Variants in MAP3K7 observed in about 807,000 individuals in gnomAD.
The protein encoded by MAP3K7 is TGF-beta activated kinase 1.
Under a neutral mutation model 84.8 loss-of-function variants are expected in MAP3K7, and 21 were observed. The ratio of observed to expected loss-of-function variants is 0.25; its 90% CI spans 0.18 to 0.36. The LOEUF (loss-of-function observed/expected upper bound fraction) is 0.36, where lower values mean the gene tolerates loss of function less well. MAP3K7 is among the 10% of genes least tolerant of loss of function. The pLI, the probability that MAP3K7 is intolerant of heterozygous loss-of-function variation, is 1.00. For missense variants in MAP3K7, 503 were observed against 747.7 expected (o/e 0.67, Z 3.82); for synonymous variants, 241 against 247.7 (o/e 0.97, Z 0.25).
At chr6:90,537,892 C>T (rs1775729555) in intron 12 of MAP3K7, among the ~76,000 whole-genome samples, 1 of 151,954 alleles carries the variant, frequency 6.6e-6, no homozygotes, top group Non-Finnish European at 1.5e-5. Flanking sequence ...CTGGAATTCT[C>T]TTTTCAGATT....
At chr6:90,532,359 A>C (rs1436834602) in intron 13 of MAP3K7, among the ~76,000 whole-genome samples, 1 of 152,218 alleles carries the variant, frequency 6.6e-6, no homozygotes, top group African/African-American at 2.4e-5. Flanking sequence ...AGAGGCTGGC[A>C]TACAACATGG....
chr6:90,554,197 G>A (rs939709953), intron 6 of MAP3K7, among the ~76,000 whole-genome samples: 1 of 152,176 alleles, frequency 6.6e-6, no homozygotes, highest in Non-Finnish European at 1.5e-5. Context: ...ATGAGCCATT[G>A]TGCCTGGCCT....
At chr6:90,517,100 C>T (rs1159704777) in intron 16 of MAP3K7, among the ~76,000 whole-genome samples, 1 of 151,796 alleles carries the variant, frequency 6.6e-6, no homozygotes, top group Non-Finnish European at 1.5e-5. Flanking sequence ...TTAACTATAG[C>T]AGAGAGTGGT....
intron 12 of MAP3K7, among the ~76,000 whole-genome samples, chr6:90,537,620 C>T (rs545035261): frequency 4.0e-5 from 6 of 151,868 alleles, no homozygotes; most frequent in Non-Finnish European, 8.8e-5. Context: ...TTTTATAATT[C>T]TTTGCATTAT....
At chr6:90,573,981 G>A (rs1776988481) in intron 1 of MAP3K7, among the ~76,000 whole-genome samples, 2 of 152,256 alleles carry the variant, frequency 1.3e-5, no homozygotes, top group Non-Finnish European at 2.9e-5. Context: ...GTGAATAGAG[G>A]GTACTGGCTA....
At chr6:90,569,538 T>G (rs557499083) in intron 2 of MAP3K7, among the ~76,000 whole-genome samples, 2 of 152,280 alleles carry the variant, frequency 1.3e-5, no homozygotes, top group East Asian at 1.9e-4. Context: ...TGCAGTGCAG[T>G]GGTACAATCT....
intron 12 of MAP3K7, among the ~76,000 whole-genome samples, chr6:90,540,323 G>A (rs1775814991): frequency 6.6e-6 from 1 of 151,806 alleles, no homozygotes; most frequent in Admixed American, 6.6e-5. Flanking sequence ...TTCTCAAATT[G>A]AAGCACTTCA....
At chr6:90,561,703 AG>A in intron 3 of MAP3K7, 36 bp from the exon 4 acceptor site, 1 of 1,486,448 alleles carries the variant, frequency 6.7e-7, no homozygotes, top group Non-Finnish European at 9.4e-7. Context: ...TTAACCAAGA[AG>A]CTCCATCATC....
chr6:90,562,161 C>T (rs1389040287), intron 3 of MAP3K7, among the ~76,000 whole-genome samples: 10 of 152,180 alleles, frequency 6.6e-5, no homozygotes, highest in Admixed American at 1.3e-4. Context: ...CCAGCGTAAG[C>T]GACGCAGAAG....
At chr6:90,521,469 A>C (rs1434603038) in intron 14 of MAP3K7, among the ~76,000 whole-genome samples, 1 of 152,108 alleles carries the variant, frequency 6.6e-6, no homozygotes, top group Admixed American at 6.6e-5. Flanking sequence ...TTATGGCTAA[A>C]GAAAAGTCTC....
At chr6:90,557,331 C>T (rs1281551024) in intron 5 of MAP3K7, among the ~76,000 whole-genome samples, 2 of 152,124 alleles carry the variant, frequency 1.3e-5, no homozygotes, top group Non-Finnish European at 2.9e-5. Flanking sequence ...ATATAATTTG[C>T]ACCATCACAT....
intron 13 of MAP3K7, among the ~76,000 whole-genome samples, chr6:90,524,394 C>A (rs1775254198): frequency 6.6e-6 from 1 of 152,076 alleles, no homozygotes; most frequent in South Asian, 2.1e-4. Flanking sequence ...ACAACAAATC[C>A]CCAGCATAAG....
chr6:90,560,862 A>G (rs773332678), intron 4 of MAP3K7, among the ~76,000 whole-genome samples: 1 of 152,198 alleles, frequency 6.6e-6, no homozygotes, highest in African/African-American at 2.4e-5. Flanking sequence ...ATGGCACACT[A>G]CTACAAGAGA....
intron 1 of MAP3K7, among the ~76,000 whole-genome samples, chr6:90,583,249 C>T (rs191058078): frequency 6.6e-6 from 1 of 152,224 alleles, no homozygotes; most frequent in African/African-American, 2.4e-5. Flanking sequence ...ATGCTCAGGA[C>T]CAACTACACT....
intron 5 of MAP3K7, among the ~76,000 whole-genome samples, chr6:90,559,473 GT>G (rs2127978188): frequency 6.6e-6 from 1 of 152,204 alleles, no homozygotes; most frequent in South Asian, 2.1e-4. Context: ...GAAACAATAT[GT>G]TTTATGTGTA....
chr6:90,578,527 G>A (rs547276887), intron 1 of MAP3K7, among the ~76,000 whole-genome samples: 1 of 152,248 alleles, frequency 6.6e-6, no homozygotes, highest in African/African-American at 2.4e-5. Flanking sequence ...TGCCTGGGTT[G>A]GCCTTCCAAA....
chr6:90,557,456 A>T (rs1776372208), intron 5 of MAP3K7, among the ~76,000 whole-genome samples: 1 of 152,210 alleles, frequency 6.6e-6, no homozygotes, highest in African/African-American at 2.4e-5. Context: ...CAATGTGACT[A>T]AAATAAGTCA....
chr6:90,585,912 T>C (rs1397632980), intron 1 of MAP3K7, among the ~76,000 whole-genome samples: 1 of 152,202 alleles, frequency 6.6e-6, no homozygotes, highest in Non-Finnish European at 1.5e-5. Flanking sequence ...ATTTAAACAT[T>C]ACGAGTATTG....
chr6:90,587,010 G>C lies in MAP3K7; in HGVS notation c.-127C>G. 1 of 1,170,884 alleles carries C rather than the reference G, an allele frequency of 8.5e-7. No homozygotes were observed. Among genetic ancestry groups the C allele is most frequent in the Non-Finnish European group, 1.1e-6 (1 of 887,726 alleles). 72.5% of individuals were successfully genotyped at this position (1,170,884 alleles called of 1,614,324 possible). On this transcript the variant is annotated 5_prime_UTR_variant, in exon 1 of 17. Coordinates refer to ENST00000369329, the MANE Select transcript of MAP3K7 (RefSeq NM_145331.3). ...GCGCAGTCCTACTACCCGGCGATCC[G>C]TGGCGGGGGTAGAGGCAGCGGCCAC...
Sources: gnomAD v4.1 joint callset for allele counts (sites outside exome capture counted in the v4.1 genomes callset) on GRCh38, gnomAD v4.1.1 for gene constraint, MANE v1.5 for transcripts, NCBI Gene and HGNC (gene_info 2026-07-23, HGNC 2026-07-21) for gene names.